RBFOX1: variants seen among roughly 807,000 people sequenced by gnomAD.
RBFOX1 encodes the protein RNA binding protein fox-1 homolog 1.
Under a neutral mutation model 57.7 loss-of-function variants are expected in RBFOX1, and 8 were observed. The ratio of observed to expected loss-of-function variants is 0.14; its 90% CI spans 0.08 to 0.25. RBFOX1 has a LOEUF of 0.25. Ranked by LOEUF, RBFOX1 falls within the 10% of genes least tolerant of loss-of-function variation. The probability of loss-of-function intolerance (pLI) is 1.00; values close to 1 mark genes in which losing one functional copy is unlikely to be tolerated. For missense variants in RBFOX1, 611 were observed against 548.5 expected (o/e 1.11, Z -1.14); for synonymous variants, 326 against 222.4 (o/e 1.47, Z -4.15).
At chr16:6,976,399 C>A (rs954509380) in intron 3 of RBFOX1, among the ~76,000 whole-genome samples, 4 of 152,194 alleles carry the variant, frequency 2.6e-5, no homozygotes, top group African/African-American at 7.2e-5. Flanking sequence ...TTTTCAGAAT[C>A]CAGTTTCCAG....
At chr16:7,235,911 C>T (rs986636765) in intron 4 of RBFOX1, among the ~76,000 whole-genome samples, 29 of 152,254 alleles carry the variant, frequency 1.9e-4, no homozygotes, top group African/African-American at 6.0e-4. Flanking sequence ...CCTTGCCCTC[C>T]TGTGAATGTT....
intron 1 of RBFOX1, among the ~76,000 whole-genome samples, chr16:6,304,399 A>G (rs1406036315): frequency 6.6e-6 from 1 of 152,098 alleles, no homozygotes; most frequent in Non-Finnish European, 1.5e-5. Context: ...GAGCTCCCAG[A>G]TTACTGTATC....
intron 3 of RBFOX1, among the ~76,000 whole-genome samples, chr16:6,842,599 G>C (rs1030821557): frequency 6.8e-6 from 1 of 146,948 alleles, no homozygotes; most frequent in Non-Finnish European, 1.5e-5. Flanking sequence ...CTTAATTTAT[G>C]TATCCAGTTT....
intron 2 of RBFOX1, among the ~76,000 whole-genome samples, chr16:6,595,621 G>A (rs754584378): frequency 1.2e-4 from 19 of 152,060 alleles, no homozygotes; most frequent in Non-Finnish European, 2.4e-4. Context: ...TTAACATTTT[G>A]AGGAACTTCC....
intron 14 of RBFOX1, among the ~76,000 whole-genome samples, chr16:7,690,471 C>G (rs994251934): frequency 1.3e-5 from 2 of 152,078 alleles, no homozygotes; most frequent in East Asian, 1.9e-4. Flanking sequence ...ACGACTCAGC[C>G]AGACTTGTTT....
At chr16:6,059,586 A>G (rs2095658015) in intron 1 of RBFOX1, among the ~76,000 whole-genome samples, 1 of 151,830 alleles carries the variant, frequency 6.6e-6, no homozygotes, top group Non-Finnish European at 1.5e-5. Flanking sequence ...ATAGGGAGGA[A>G]TGCATGTGTT....
intron 3 of RBFOX1, among the ~76,000 whole-genome samples, chr16:6,943,677 C>T (rs867737130): frequency 1.3e-4 from 20 of 150,796 alleles, no homozygotes; most frequent in Middle Eastern, 3.4e-3. Flanking sequence ...CACTGCACTC[C>T]AGCCTGGGCG....
intron 4 of RBFOX1, among the ~76,000 whole-genome samples, chr16:7,091,489 G>A (rs1375536081): frequency 9.9e-5 from 15 of 151,370 alleles, no homozygotes; most frequent in Admixed American, 6.6e-4. Context: ...TATGCCAGGC[G>A]GCAGCATCTC....
intron 1 of RBFOX1, among the ~76,000 whole-genome samples, chr16:5,416,757 C>G (rs1031316395): frequency 6.6e-6 from 1 of 151,980 alleles, no homozygotes; most frequent in Non-Finnish European, 1.5e-5. Flanking sequence ...GAATCAACTC[C>G]CCTTGTCTCA....
At chr16:5,935,251 T>C (rs2059144480) in intron 4 of RBFOX1, among the ~76,000 whole-genome samples, 1 of 152,166 alleles carries the variant, frequency 6.6e-6, no homozygotes, top group Non-Finnish European at 1.5e-5. Flanking sequence ...TCAGGAAGTA[T>C]CTGCCATTGA....
intron 2 of RBFOX1, among the ~76,000 whole-genome samples, chr16:6,529,138 C>T (rs891578583): frequency 1.3e-5 from 2 of 152,158 alleles, no homozygotes; most frequent in African/African-American, 4.8e-5. Context: ...TTTGTGCCTC[C>T]ATCTGTTACC....
chr16:5,407,229 G>A (rs935000694), intron 1 of RBFOX1, among the ~76,000 whole-genome samples: 1 of 152,096 alleles, frequency 6.6e-6, no homozygotes, highest in East Asian at 1.9e-4. Flanking sequence ...GAACAGCATG[G>A]GGGAAACTGC....
In RBFOX1 at chr16:7,011,436, G is replaced by A. The variant is rs901165323; in HGVS notation, c.-15-40621G>A. ...TTGCTATGTGTTTTTAAAACAGGTT[G>A]GGCCTTCCAAGTTGGATTTTTGTTT... On this transcript the variant is annotated intron_variant, in intron 3 of 15. Transcript: ENST00000550418. Among the ~76,000 whole-genome samples the A allele has an allele frequency of 3.3e-5, 5 of 152,102 alleles. No individual in the cohort carries two copies. In the East Asian group the frequency reaches 9.7e-4, roughly 29 times the overall value.
intron 2 of RBFOX1, among the ~76,000 whole-genome samples, chr16:5,503,321 C>T (rs1401109603): frequency 6.6e-6 from 1 of 152,186 alleles, no homozygotes; most frequent in Non-Finnish European, 1.5e-5. Flanking sequence ...CACCACTGTC[C>T]CCCACTCTTG....
intron 4 of RBFOX1, among the ~76,000 whole-genome samples, chr16:7,266,845 C>T (rs888475183): frequency 2.0e-5 from 3 of 152,068 alleles, no homozygotes; most frequent in Non-Finnish European, 4.4e-5. Context: ...AAACTGTTTT[C>T]AGGGAAGGCC....
intron 1 of RBFOX1, among the ~76,000 whole-genome samples, chr16:5,294,825 T>G (rs12924683): frequency 0.99 from 150,078 of 151,462 alleles, 74,378 homozygotes; most frequent in Middle Eastern, 1. Flanking sequence ...GAGGCCAGGA[T>G]TTCAAGATCT....
chr16:7,206,663 A>G (rs1434118598), intron 4 of RBFOX1, among the ~76,000 whole-genome samples: 1 of 152,050 alleles, frequency 6.6e-6, no homozygotes, highest in Non-Finnish European at 1.5e-5. Context: ...TTAGTTTTAA[A>G]AGGTGATCCT....
At chr16:6,527,412 A>G (rs1362330) in intron 2 of RBFOX1, among the ~76,000 whole-genome samples, 101,048 of 151,874 alleles carry the variant, frequency 0.67, 33,909 homozygotes, top group Non-Finnish European at 0.69. Context: ...CCTTCCCCCC[A>G]TCACTTAATG....
intron 3 of RBFOX1, among the ~76,000 whole-genome samples, chr16:5,823,902 A>G (rs1410457789): frequency 6.6e-6 from 1 of 152,190 alleles, no homozygotes; most frequent in Non-Finnish European, 1.5e-5. Flanking sequence ...AGGGCACAAT[A>G]AACATAATGT....
Sources: gnomAD v4.1 joint callset for allele counts (sites outside exome capture counted in the v4.1 genomes callset) on GRCh38, gnomAD v4.1.1 for gene constraint, MANE v1.5 for transcripts, NCBI Gene and HGNC (gene_info 2026-07-23, HGNC 2026-07-21) for gene names.